Variants in VNN2 observed in about 807,000 individuals in gnomAD.
VNN2 encodes the protein pantetheine hydrolase VNN2.
VNN2 carries 43 observed loss-of-function variants against 43.0 expected under a neutral mutation model. The observed-to-expected ratio is 1.00, with a 90% CI of 0.78 to 1.29. The LOEUF (loss-of-function observed/expected upper bound fraction) is 1.29, where lower values mean the gene tolerates loss of function less well. VNN2 is among the 50% of genes most tolerant of loss of function. VNN2 has a pLI of 0.00. For missense variants in VNN2, 652 were observed against 619.7 expected, an observed-to-expected ratio of 1.05 and a Z score of -0.55; for synonymous variants, 230 against 224.3, an observed-to-expected ratio of 1.03 and a Z score of -0.23.
At chr6:132,757,352 C>G in intron 2 of VNN2, 64 bp downstream of exon 2, 1 of 1,518,408 alleles carries the variant, frequency 6.6e-7, no homozygotes, top group South Asian at 1.3e-5. Context: ...AATCATTTTG[C>G]TTTGGTGAAC....
At chr6:132,745,900 G>C (rs1779688328) in intron 6 of VNN2, among the ~76,000 whole-genome samples, 1 of 152,226 alleles carries the variant, frequency 6.6e-6, no homozygotes, top group Non-Finnish European at 1.5e-5. Context: ...AGAAGAAATT[G>C]AAAATTGGGA....
intron 4 of VNN2, 68 bp from the exon 5 acceptor site, chr6:132,751,586 C>G (rs954742269): frequency 1.3e-6 from 2 of 1,532,308 alleles, no homozygotes; most frequent in East Asian, 4.5e-5. Flanking sequence ...GCCAATTTCC[C>G]CATCAGAATT....
At chr6:132,755,374 CTTTTTT>C (rs1021410696) in intron 3 of VNN2, among the ~76,000 whole-genome samples, 1 of 96,646 alleles carries the variant, frequency 1.0e-5, no homozygotes, top group Non-Finnish European at 2.0e-5. Context: ...TTTTCTTTTT[CTTTTTT>C]TTCTTTTTTT....
chr6:132,748,624 T>C, intron 6 of VNN2, among the ~76,000 whole-genome samples: 1 of 152,202 alleles, frequency 6.6e-6, no homozygotes, highest in Non-Finnish European at 1.5e-5. Context: ...GAGAAGACAT[T>C]AATATTCAAA....
At chr6:132,745,865 A>G (rs185362303) in intron 6 of VNN2, among the ~76,000 whole-genome samples, 1 of 152,384 alleles carries the variant, frequency 6.6e-6, no homozygotes, top group Admixed American at 6.5e-5. Flanking sequence ...TGAACCCATT[A>G]GTTGTGGAAA....
intron 6 of VNN2, among the ~76,000 whole-genome samples, chr6:132,749,222 T>C (rs1357243426): frequency 6.6e-6 from 1 of 152,204 alleles, no homozygotes; most frequent in Non-Finnish European, 1.5e-5. Flanking sequence ...ACCATTTGAA[T>C]CACCACTGCT....
chr6:132,755,091 G>T (rs932968437), intron 3 of VNN2, among the ~76,000 whole-genome samples: 1 of 152,118 alleles, frequency 6.6e-6, no homozygotes, highest in Non-Finnish European at 1.5e-5. Context: ...GATCACTAGA[G>T]CCCAGGAGTT....
intron 3 of VNN2, 44 bp downstream of exon 3, chr6:132,755,799 A>G (rs1039189415): frequency 1.9e-6 from 3 of 1,547,822 alleles, no homozygotes; most frequent in African/African-American, 2.7e-5. Context: ...AGCATTGACC[A>G]CTCACAACAC....
chr6:132,756,464 C>G (rs563407210), intron 2 of VNN2, among the ~76,000 whole-genome samples: 57 of 152,298 alleles, frequency 3.7e-4, no homozygotes, highest in African/African-American at 1.3e-3. Context: ...CTCTCCCATT[C>G]CCTTTCAGAG....
At chr6:132,762,384 T>C (rs1780759057), upstream of VNN2, among the ~76,000 whole-genome samples, 1 of 152,116 alleles carries the variant, frequency 6.6e-6, no homozygotes, top group Admixed American at 6.5e-5. Context: ...AAAATAAGAA[T>C]AAGAAGCAAC....
upstream of VNN2, among the ~76,000 whole-genome samples, chr6:132,762,501 AC>A (rs1780761937): frequency 6.6e-6 from 1 of 152,152 alleles, no homozygotes; most frequent in African/African-American, 2.4e-5. Flanking sequence ...GCAAAGAAAA[AC>A]GTTTCTGTCT....
rs1290646129 is a variant in VNN2 at position 132,752,719 on chromosome 6, C to T, written c.568G>A (p.Val190Ile). 13 of 1,613,860 alleles carry T rather than the reference C, an allele frequency of 8.1e-6. No individual in the cohort carries two copies. Among genetic ancestry groups the T allele is most frequent in the African/African-American group, 1.3e-5 (1 of 74,916 alleles). The change falls in exon 4 of 7, where the codon GTC becomes ATC. Residue 190 changes from valine (V) to isoleucine (I), a missense_variant. Transcript: ENST00000326499. Reference sequence around the variant, plus strand: ...GTCACCAACTCCGGCTTTTCAGGGACATTAAACTGAGGCTCAGAGTACAGG... The same window carrying T: ...GTCACCAACTCCGGCTTTTCAGGGATATTAAACTGAGGCTCAGAGTACAGG... ...YHLYSEPQFN[V>I]PEKPELVTFN...
chr6:132,752,658 G>A lies in VNN2; in HGVS notation c.629C>T (p.Thr210Met), dbSNP rs139095644. Residue 210 changes from threonine (T) to methionine (M), a missense_variant, in exon 4 of 7, where the codon ACG (threonine) becomes ATG (methionine). By Grantham distance (81) the Thr-to-Met change is moderately conservative. Coordinates refer to ENST00000326499, the MANE Select transcript of VNN2 (RefSeq NM_004665.6). ...NTAFGRFGIF[T>M]CFDIFFYDPG... ...ATCATAGAAGAATATATCAAAGCAC[G>A]TGAAAATGCCAAACCTTCCAAATGC... is the stretch of plus-strand genomic sequence containing the variant. The A allele has an allele frequency of 5.7e-5, 92 of 1,614,156 alleles. No individual in the cohort carries two copies. Among genetic ancestry groups the A allele is most frequent in the Admixed American group, 1.5e-4 (9 of 60,020 alleles).
intron 5 of VNN2, 141 bp downstream of exon 5, chr6:132,751,004 G>GTGTGTGTGTGT (rs925613452): frequency 2.1e-6 from 2 of 963,434 alleles, no homozygotes; most frequent in African/African-American, 3.3e-5. Flanking sequence ...ACGTGTGTGT[G>GTGTGTGTGTGT]TGTGTGTTGT....
intron 1 of VNN2, among the ~76,000 whole-genome samples, chr6:132,763,002 T>C (rs1780772654): frequency 2.0e-5 from 3 of 152,158 alleles, no homozygotes; most frequent in Non-Finnish European, 4.4e-5. Flanking sequence ...ACTATGCCAG[T>C]CTATTAACCC....
rs1435240451 is a variant in VNN2 at position 132,757,447 on chromosome 6, C to A, written c.313G>T (p.Val105Leu). The A allele has an allele frequency of 6.2e-7, 1 of 1,612,882 alleles. No individual in the cohort carries two copies. The highest frequency in any genetic ancestry group is 8.5e-7 in the Non-Finnish European group (1 of 1,179,674). The stretch of plus-strand genomic sequence containing the variant: ...GGGTCTTGACACGGAATCCAGTTCA[C>A]CTGAGGGTCTGGGATATCCTCCAGA... ...PYLEDIPDPQ[V>L]NWIPCQDPHR... The change falls in exon 2 of 7, where the codon GTG becomes TTG. Residue 105 changes from valine to leucine, a missense_variant. Transcript: ENST00000326499.
intron 6 of VNN2, among the ~76,000 whole-genome samples, chr6:132,748,385 G>T (rs1003601221): frequency 6.6e-6 from 1 of 152,104 alleles, no homozygotes; most frequent in Non-Finnish European, 1.5e-5. Flanking sequence ...TGGCCTTAAG[G>T]TTACACTGTA....
intron 2 of VNN2, 142 bp downstream of exon 2, chr6:132,757,274 T>G (rs1301010706): frequency 5.5e-6 from 6 of 1,082,440 alleles, no homozygotes; most frequent in Non-Finnish European, 7.4e-6. Context: ...GTACAATTTT[T>G]TAAAATCTGA....
chr6:132,762,833 T>G (rs1050623207), upstream of VNN2, among the ~76,000 whole-genome samples: 1 of 152,220 alleles, frequency 6.6e-6, no homozygotes, highest in African/African-American at 2.4e-5. Context: ...GCAAAAGTAA[T>G]TTCACATGGT....
Sources: allele counts gnomAD v4.1 joint callset (sites outside exome capture counted in the v4.1 genomes callset), GRCh38; gene constraint gnomAD v4.1.1; transcripts MANE v1.5; gene names NCBI Gene and HGNC (gene_info 2026-07-23, HGNC 2026-07-21).